The following RELCH variants were observed in gnomAD, a reference collection of about 807,000 sequenced individuals.
RELCH encodes the protein RAB11 binding and LisH domain, coiled-coil and HEAT repeat containing, also known as RAB11-binding protein RELCH.
Under a neutral mutation model 150.3 loss-of-function variants are expected in RELCH, and 41 were observed. That is an observed-to-expected ratio of 0.27 (90% confidence interval 0.21 to 0.35). RELCH has a LOEUF of 0.35. Ranked by LOEUF, RELCH falls within the 10% of genes least tolerant of loss-of-function variation. The pLI is 1.00. For synonymous variants in RELCH, 478 were observed against 531.8 expected, an observed-to-expected ratio of 0.90 and a Z score of 1.39; for missense variants, 1,092 against 1,467.8, an observed-to-expected ratio of 0.74 and a Z score of 4.18.
chr18:62,292,674 T>C (rs536399951), intron 27 of RELCH, among the ~76,000 whole-genome samples: 4 of 152,344 alleles, frequency 2.6e-5, no homozygotes, highest in Non-Finnish European at 5.9e-5. Flanking sequence ...TGTCTCCCAC[T>C]TTGGCTAATG....
chr18:62,297,533 A>G (rs2045468916), intron 27 of RELCH, among the ~76,000 whole-genome samples: 1 of 152,182 alleles, frequency 6.6e-6, no homozygotes, highest in African/African-American at 2.4e-5. Context: ...TAGCCAAACA[A>G]ACAGATGCTA....
chr18:62,229,014 G>GCT lies in RELCH; in HGVS notation c.1448+417_1448+418dup, dbSNP rs374594443. On this transcript the variant is annotated intron_variant, in intron 8 of 28. Coordinates refer to ENST00000644646, the MANE Select transcript of RELCH (RefSeq NM_001346231.2). The stretch of plus-strand genomic sequence containing the variant: ...CTCCTACTTTTTTTTTCCTGTGTCT[G>GCT]CTTCCATTACAAATATTACATCATT... Among the ~76,000 whole-genome samples the GCT allele has an allele frequency of 2.1e-3, 315 of 151,880 alleles. 4 individuals are homozygous for GCT. The highest frequency in any genetic ancestry group is 7.4e-3 in the African/African-American group (305 of 41,448).
chr18:62,297,475 T>TAA (rs199533473), intron 27 of RELCH, among the ~76,000 whole-genome samples: 1 of 149,680 alleles, frequency 6.7e-6, no homozygotes, highest in African/African-American at 2.5e-5. Context: ...GCAAGGAGGA[T>TAA]AAAAAAAAAT....
Position 62,187,641 on chromosome 18 carries a change from G to T in RELCH, c.136G>T (p.Gly46Cys), listed in dbSNP as rs1340248135. The change falls in exon 1 of 29, where the codon GGC becomes TGC. Residue 46 changes from glycine (G) to cysteine (C), a missense_variant. Around this residue, in one of 4 missense-constraint regions of RELCH, gnomAD observed 138 missense variants for 124.8 expected, o/e 1.11. Coordinates refer to ENST00000644646, the MANE Select transcript of RELCH (RefSeq NM_001346231.2). ...AGTACTTCGGCTGGGCGCCGGAAGT[G>T]GCCTAGATCCTGGCTCTGCGGGCTC... ...RAVLRLGAGS[G>C]LDPGSAGSLS... The T allele has an allele frequency of 6.4e-7, 1 of 1,551,794 alleles. No homozygotes were observed. The highest frequency in any genetic ancestry group is 2.3e-5 in the East Asian group (1 of 44,258).
intron 26 of RELCH, among the ~76,000 whole-genome samples, chr18:62,288,837 AT>A: frequency 6.6e-6 from 1 of 152,310 alleles, no homozygotes; most frequent in South Asian, 2.1e-4. Context: ...ATTCTTTAGT[AT>A]TGGAGAAGTG....
At chr18:62,255,365 G>A (rs749703721) in intron 12 of RELCH, 42 bp from the exon 13 acceptor site, 2 of 1,233,260 alleles carry the variant, frequency 1.6e-6, no homozygotes, top group South Asian at 1.2e-5. Flanking sequence ...GGAAGGGAGG[G>A]TATGCTGTTT....
Position 62,258,663 on chromosome 18 carries a change from A to G in RELCH, c.2189A>G (p.Glu730Gly). The G allele has an allele frequency of 6.3e-7, 1 of 1,585,064 alleles. No individual in the cohort carries two copies. The highest frequency in any genetic ancestry group is 8.5e-7 in the Non-Finnish European group (1 of 1,170,956). ...ATACTTACACTACTGAACAAGATTG[A>G]AAAACTTCTCAGGGTAAGTTCTTCT... ...HLILTLLNKIEKLLREGEHGL... is the reference protein window; with the variant it reads ...HLILTLLNKIGKLLREGEHGL... The change falls in exon 15 of 29, where the codon GAA becomes GGA. Residue 730 changes from glutamate (E) to glycine (G), a missense_variant. Coordinates refer to ENST00000644646, the MANE Select transcript of RELCH (RefSeq NM_001346231.2).
intron 26 of RELCH, among the ~76,000 whole-genome samples, chr18:62,288,026 A>G (rs1289427363): frequency 2.0e-5 from 3 of 152,282 alleles, no homozygotes; most frequent in East Asian, 3.9e-4. Context: ...GCTTAAAGAC[A>G]TGAATGCCTT....
chr18:62,190,022 A>G (rs2038504108), intron 1 of RELCH, among the ~76,000 whole-genome samples: 1 of 152,242 alleles, frequency 6.6e-6, no homozygotes, highest in African/African-American at 2.4e-5. Context: ...CAAATGAACA[A>G]CAGGACAAAA....
At position 62,268,874 on chromosome 18, in the gene RELCH, T is replaced by G. The variant is rs750928348; in HGVS notation, c.2686T>G (p.Ser896Ala). Residue 896 changes from serine to alanine, a missense_variant, in exon 20 of 29, where the codon TCA becomes GCA. By Grantham distance (99) the Ser-to-Ala change is moderately conservative (BLOSUM62 1). This residue lies in a region of RELCH where 707 missense variants were observed against 1,025.4 expected (regional missense o/e 0.69). Transcript: ENST00000644646. ...LRLSEENIDS[S>A]AGNGVLTKAT... ...AATTATTTTAATAATTTTAGATTCC[T>G]CAGCAGGAAATGGGGTCCTCACTAA... is the stretch of plus-strand genomic sequence containing the variant. 5.4e-6 allele frequency: 8 copies of G among 1,494,362 alleles called. No individual in the cohort carries two copies. The highest frequency in any genetic ancestry group is 2.0e-5 in the Admixed American group (1 of 49,086). The allele number at this position is 1,494,362 out of a possible 1,614,324, so 92.6% of individuals were successfully genotyped here. A position where few individuals can be genotyped will look rare whatever the true frequency, so the allele number is the denominator to read the frequency against.
chr18:62,214,889 A>T (rs773089597), intron 2 of RELCH, among the ~76,000 whole-genome samples: 1 of 151,736 alleles, frequency 6.6e-6, no homozygotes, highest in African/African-American at 2.4e-5. Flanking sequence ...AAACTACTCT[A>T]CCCCCCTAGA....
intron 2 of RELCH, among the ~76,000 whole-genome samples, chr18:62,217,565 G>A (rs1568329307): frequency 6.6e-6 from 1 of 151,946 alleles, no homozygotes; most frequent in Non-Finnish European, 1.5e-5. Flanking sequence ...AACCACATTT[G>A]AAAGGAAGAT....
intron 9 of RELCH, among the ~76,000 whole-genome samples, 151 bp from the exon 10 acceptor site, chr18:62,232,175 CTGCTGT>C (rs2041622566): frequency 1.3e-5 from 2 of 150,918 alleles, no homozygotes; most frequent in African/African-American, 4.9e-5. Flanking sequence ...GCTGCTGCTG[CTGCTGT>C]TGTTGTTGTT....
intron 25 of RELCH, chr18:62,285,541 G>C (rs2044746428): frequency 6.6e-6 from 1 of 152,340 alleles, no homozygotes; most frequent in South Asian, 2.1e-4. Flanking sequence ...GATCACTTGA[G>C]GCCAGGAGTT....
At chr18:62,227,181 A>G (rs760448585) in intron 5 of RELCH, 108 bp from the exon 6 acceptor site, 2 of 747,418 alleles carry the variant, frequency 2.7e-6, no homozygotes, top group Non-Finnish European at 4.3e-6. Flanking sequence ...TGCATGACAC[A>G]GCAAAACCGA....
At chr18:62,253,539 G>A (rs2042840326) in intron 12 of RELCH, among the ~76,000 whole-genome samples, 1 of 151,974 alleles carries the variant, frequency 6.6e-6, no homozygotes, top group African/African-American at 2.4e-5. Flanking sequence ...TTAAAAAGAT[G>A]TGTTTCCTGC....
At chr18:62,287,092 C>G (rs1232261270) in intron 25 of RELCH, among the ~76,000 whole-genome samples, 1 of 152,114 alleles carries the variant, frequency 6.6e-6, no homozygotes, top group Non-Finnish European at 1.5e-5. Context: ...GCCAAATAAT[C>G]TATATACATC....
intron 11 of RELCH, among the ~76,000 whole-genome samples, chr18:62,248,246 C>T (rs1017746160): frequency 4.6e-5 from 7 of 152,080 alleles, no homozygotes; most frequent in African/African-American, 1.7e-4. Context: ...TAAACTTTTT[C>T]CTTATAAAGG....
chr18:62,291,257 G>T (rs780422237), intron 26 of RELCH, among the ~76,000 whole-genome samples: 2 of 152,124 alleles, frequency 1.3e-5, no homozygotes, highest in Non-Finnish European at 2.9e-5. Context: ...TGGGTTACAT[G>T]ACTTAATTGT....
Sources: allele counts gnomAD v4.1 joint callset (sites outside exome capture counted in the v4.1 genomes callset), GRCh38; gene constraint gnomAD v4.1.1; regional missense constraint gnomAD v4.1.1; transcripts MANE v1.5; gene names NCBI Gene and HGNC (gene_info 2026-07-23, HGNC 2026-07-21).